The following TENM3 variants were observed in gnomAD, a reference collection of about 807,000 sequenced individuals.
TENM3 encodes teneurin transmembrane protein 3.
A neutral mutation model predicts 255.1 loss-of-function variants in TENM3; 63 were observed. That is an observed-to-expected ratio of 0.25 (90% CI 0.20 to 0.30). TENM3 has a LOEUF of 0.30. Ranked by LOEUF, TENM3 falls within the 10% of genes least tolerant of loss-of-function variation. The probability of loss-of-function intolerance (pLI) is 1.00; values close to 1 mark genes in which losing one functional copy is unlikely to be tolerated. For missense variants in TENM3, 2,929 were observed against 3,461.1 expected, an observed-to-expected ratio of 0.85 and a Z score of 3.86; for synonymous variants, 1,306 against 1,322.3, an observed-to-expected ratio of 0.99 and a Z score of 0.27.
intron 20 of TENM3, among the ~76,000 whole-genome samples, chr4:182,753,223 C>T (rs1762501243): frequency 6.6e-6 from 1 of 152,202 alleles, no homozygotes. Context: ...GCTAGGATTG[C>T]AGGCGTGAGC....
chr4:181,538,547 AG>A, the TENM3 span, among the ~76,000 whole-genome samples: 607 of 152,208 alleles, frequency 4.0e-3, 2 homozygotes, highest in Middle Eastern at 0.01. Flanking sequence ...GGGGAACATC[AG>A]GGAACTATGG....
chr4:182,293,023 C>T (rs1420874146), intron 1 of TENM3, among the ~76,000 whole-genome samples: 1 of 152,198 alleles, frequency 6.6e-6, no homozygotes, highest in East Asian at 1.9e-4. Context: ...ACTCTAGCTG[C>T]CTTCACTGAT....
the TENM3 span, among the ~76,000 whole-genome samples, chr4:182,022,456 C>A: frequency 6.6e-6 from 1 of 150,840 alleles, no homozygotes; most frequent in Non-Finnish European, 1.5e-5. Flanking sequence ...TGAGGTGATG[C>A]GTTCATTAGG....
At chr4:182,195,458 G>A (rs1753782831) in intron 1 of TENM3, among the ~76,000 whole-genome samples, 1 of 152,052 alleles carries the variant, frequency 6.6e-6, no homozygotes, top group South Asian at 2.1e-4. Flanking sequence ...AGGCAACATA[G>A]CAAGAGCTCG....
At chr4:182,160,725 C>G (rs1157818417) in intron 1 of TENM3, among the ~76,000 whole-genome samples, 1 of 152,120 alleles carries the variant, frequency 6.6e-6, no homozygotes, top group South Asian at 2.1e-4. Context: ...GGTACAGTTT[C>G]ATTTAGATGT....
At chr4:182,161,795 A>ATATATATACACATATATATGTG (rs1561153456) in intron 1 of TENM3, among the ~76,000 whole-genome samples, 1 of 44,744 alleles carries the variant, frequency 2.2e-5, no homozygotes, top group African/African-American at 1.2e-4. Context: ...AAATATATGT[A>ATATATATACACATATATATGTG]TATATATACA....
chr4:182,620,770 C>G (rs754865394), intron 4 of TENM3, among the ~76,000 whole-genome samples: 1 of 152,080 alleles, frequency 6.6e-6, no homozygotes, highest in Non-Finnish European at 1.5e-5. Flanking sequence ...GCTCTGTTGC[C>G]CAGGCTGCAG....
chr4:181,810,642 T>G, the TENM3 span, among the ~76,000 whole-genome samples: 6 of 152,156 alleles, frequency 3.9e-5, no homozygotes. Context: ...TGATGAGAGA[T>G]ATATACATGT....
chr4:182,239,064 TGTGTGTGTGTA>T (rs1016626672), upstream of TENM3, among the ~76,000 whole-genome samples: 12 of 150,072 alleles, frequency 8.0e-5, no homozygotes, highest in East Asian at 9.8e-4. Context: ...TGTGTGTGTG[TGTGTGTGTGTA>T]TTTTTTTTTT....
chr4:181,672,599 C>A, the TENM3 span, among the ~76,000 whole-genome samples: 1 of 152,148 alleles, frequency 6.6e-6, no homozygotes, highest in Non-Finnish European at 1.5e-5. Flanking sequence ...TAAAAGAGTA[C>A]TCAGATTAAA....
chr4:182,494,664 A>G (rs890040512), intron 3 of TENM3, among the ~76,000 whole-genome samples: 1 of 152,206 alleles, frequency 6.6e-6, no homozygotes, highest in Non-Finnish European at 1.5e-5. Context: ...TTTTGTCAAA[A>G]GAAACAGCAG....
chr4:182,472,084 A>G (rs1313773245), intron 3 of TENM3, among the ~76,000 whole-genome samples: 5 of 152,194 alleles, frequency 3.3e-5, no homozygotes, highest in Admixed American at 6.5e-5. Context: ...ATTATAGAGC[A>G]GAGGCTATAA....
chr4:182,758,981 T>G (rs1489729396), intron 22 of TENM3, among the ~76,000 whole-genome samples: 1 of 151,886 alleles, frequency 6.6e-6, no homozygotes, highest in Non-Finnish European at 1.5e-5. Context: ...AGCCTTGAGA[T>G]TAAAGCTTTT....
At chr4:181,759,724 ATGTG>A in the TENM3 span, among the ~76,000 whole-genome samples, 3,814 of 146,508 alleles carry the variant, frequency 0.026, 62 homozygotes, top group African/African-American at 0.051. Context: ...CAATCAACAG[ATGTG>A]TGTGTGTGTG....
chr4:182,133,036 G>A, the TENM3 span, among the ~76,000 whole-genome samples: 10 of 152,144 alleles, frequency 6.6e-5, no homozygotes, highest in Non-Finnish European at 1.5e-4. Flanking sequence ...GTCAGGAGGA[G>A]GAGGGAAAAT....
intron 1 of TENM3, among the ~76,000 whole-genome samples, chr4:182,295,951 A>AT (rs532807461): frequency 3.3e-5 from 5 of 152,092 alleles, no homozygotes; most frequent in East Asian, 1.9e-4. Flanking sequence ...CATTATTATT[A>AT]TTTTTTTATT....
chr4:182,645,670 C>G (rs1364471740), intron 5 of TENM3, among the ~76,000 whole-genome samples: 4 of 152,132 alleles, frequency 2.6e-5, no homozygotes, highest in Non-Finnish European at 4.4e-5. Context: ...AGCTCACACA[C>G]AAGGTTTTTG....
the TENM3 span, among the ~76,000 whole-genome samples, chr4:181,664,166 G>A: frequency 6.6e-6 from 1 of 152,038 alleles, no homozygotes; most frequent in South Asian, 2.1e-4. Flanking sequence ...CTGTTAAAGG[G>A]GATAAGAATG....
intron 1 of TENM3, among the ~76,000 whole-genome samples, chr4:182,274,906 C>T (rs376806912): frequency 6.6e-6 from 1 of 152,080 alleles, no homozygotes; most frequent in Admixed American, 6.5e-5. Context: ...TCACTGCAAC[C>T]TCTGCCTCCC....
Sources: allele counts gnomAD v4.1 joint callset (sites outside exome capture counted in the v4.1 genomes callset), GRCh38; gene constraint gnomAD v4.1.1; transcripts MANE v1.5; gene names NCBI Gene and HGNC (gene_info 2026-07-23, HGNC 2026-07-21).